Variants in PDK3 observed in about 807,000 individuals in gnomAD.
PDK3 encodes the protein pyruvate dehydrogenase kinase 3.
Under a neutral mutation model 32.0 loss-of-function variants are expected in PDK3, and 12 were observed. The observed-to-expected ratio is 0.37, with a 90% CI of 0.24 to 0.61. The LOEUF is 0.61. Among genes scored for constraint, PDK3 ranks in the 20% least tolerant of loss-of-function variants. The probability of loss-of-function intolerance (pLI) is 0.65; values close to 1 mark genes in which losing one functional copy is unlikely to be tolerated. For missense variants in PDK3, 188 were observed against 316.9 expected (o/e 0.59, Z 3.09); for synonymous variants, 122 against 116.3 (o/e 1.05, Z -0.31).
intron 1 of PDK3, among the ~76,000 whole-genome samples, chrX:24,493,272 TTTA>T (rs1921616163): frequency 9.0e-6 from 1 of 111,590 alleles, no homozygotes; most frequent in African/African-American, 3.3e-5. Flanking sequence ...ACTTTCATCT[TTTA>T]TTGTAACTTT....
At chrX:24,499,892 C>T (rs1210951810) in intron 3 of PDK3, among the ~76,000 whole-genome samples, 1 of 112,263 alleles carries the variant, frequency 8.9e-6, no homozygotes, top group Admixed American at 9.5e-5. Context: ...TCTGATGGAT[C>T]TGTGAAGTGT....
chrX:24,482,579 A>T (rs1048452907), intron 1 of PDK3, among the ~76,000 whole-genome samples: 11 of 112,167 alleles, frequency 9.8e-5, no homozygotes, highest in Non-Finnish European at 1.9e-4. Flanking sequence ...TATAGTCTCT[A>T]TTAGCAATGC....
intron 1 of PDK3, among the ~76,000 whole-genome samples, chrX:24,472,915 G>A (rs2148179668): frequency 9.4e-6 from 1 of 106,854 alleles, no homozygotes; most frequent in African/African-American, 3.4e-5. Flanking sequence ...TTGAACTCTC[G>A]ACCTCAGGTG....
At chrX:24,512,678 G>A (rs927490175) in intron 5 of PDK3, among the ~76,000 whole-genome samples, 2 of 111,196 alleles carry the variant, frequency 1.8e-5, no homozygotes, top group African/African-American at 3.3e-5. Context: ...CAGGAGAATC[G>A]CTTCAACATG....
At chrX:24,532,527 T>C (rs1379794497) in intron 10 of PDK3, among the ~76,000 whole-genome samples, 1 of 111,868 alleles carries the variant, frequency 8.9e-6, no homozygotes, top group Non-Finnish European at 1.9e-5. Context: ...TTGGTGATCA[T>C]TGGGCTTTTA....
At chrX:24,474,049 G>A (rs1231587597) in intron 1 of PDK3, among the ~76,000 whole-genome samples, 4 of 111,698 alleles carry the variant, frequency 3.6e-5, no homozygotes, top group Non-Finnish European at 7.5e-5. Flanking sequence ...TTTCAGTCTC[G>A]CCCTGTCGGC....
intron 6 of PDK3, 111 bp downstream of exon 6, chrX:24,519,121 T>G: frequency 2.1e-6 from 1 of 482,093 alleles, no homozygotes; most frequent in Non-Finnish European, 3.5e-6. Flanking sequence ...TTTCATTTTC[T>G]TATATCTTTT....
chrX:24,534,079 A>G lies in PDK3; in HGVS notation c.*7A>G. 1 of 1,187,506 alleles carries G rather than the reference A, an allele frequency of 8.4e-7. No homozygotes were observed. On this transcript the variant is annotated 3_prime_UTR_variant, in exon 11 of 11. Transcript: ENST00000379162. ...ATACAAAGCAAAACAGTAATATACC[A>G]CCTTGATTTCCATTACAAAGTATCT...
At chrX:24,527,905 G>A (rs1922562653) in intron 8 of PDK3, among the ~76,000 whole-genome samples, 171 bp from the exon 9 acceptor site, 1 of 111,709 alleles carries the variant, frequency 9.0e-6, no homozygotes, top group African/African-American at 3.3e-5. Context: ...TGTACCATTC[G>A]GCCTCCTTTG....
At chrX:24,540,738 A>G (rs1922870263) in exon 12 of PDK3, among the ~76,000 whole-genome samples, 1 of 108,391 alleles carries the variant, frequency 9.2e-6, no homozygotes, top group Non-Finnish European at 1.9e-5. Context: ...CTTCTGAGAG[A>G]CTGGTGAGAG....
At chrX:24,492,720 G>A (rs1388203391) in intron 1 of PDK3, among the ~76,000 whole-genome samples, 1 of 111,365 alleles carries the variant, frequency 9.0e-6, no homozygotes, top group Non-Finnish European at 1.9e-5. Flanking sequence ...GACCAGAGCT[G>A]GCTGGGCGCG....
intron 7 of PDK3, among the ~76,000 whole-genome samples, chrX:24,527,152 C>T (rs1307777128): frequency 9.0e-6 from 1 of 111,064 alleles, no homozygotes; most frequent in Non-Finnish European, 1.9e-5. Flanking sequence ...AGTTTTTCTG[C>T]CTTCTTTAGA....
chrX:24,473,233 G>A (rs1447744913), intron 1 of PDK3, among the ~76,000 whole-genome samples: 3 of 104,875 alleles, frequency 2.9e-5, no homozygotes, highest in African/African-American at 1.0e-4. Flanking sequence ...AATTAGCCAG[G>A]CATGGTGGTG....
downstream of PDK3, among the ~76,000 whole-genome samples, chrX:24,534,903 G>A (rs974659437): frequency 8.9e-6 from 1 of 112,520 alleles, no homozygotes; most frequent in African/African-American, 3.2e-5. Flanking sequence ...GCTGTAGTGA[G>A]CTATGATTCG....
intron 1 of PDK3, among the ~76,000 whole-genome samples, chrX:24,492,767 C>T (rs183083716): frequency 3.3e-4 from 37 of 110,667 alleles, no homozygotes; most frequent in African/African-American, 1.1e-3. Context: ...TTTGGGAGGC[C>T]GAGGCGGGTG....
In PDK3 at chrX:24,498,551, C is replaced by T. The variant is rs746758606; in HGVS notation, c.249-278C>T. 7.5e-4 allele frequency among the ~76,000 whole-genome samples: 84 copies of T among 111,931 alleles called. No individual in the cohort carries two copies. The Middle Eastern group carries it at 0.023, about 31-fold the overall frequency. ...CCATTCCTGAGCCATTCCCTGTGTT[C>T]AGGGGAATGCACACAGTGATAGGCT... is the stretch of plus-strand genomic sequence containing the variant. On this transcript the variant is annotated intron_variant, in intron 2 of 10. Coordinates refer to ENST00000379162, the MANE Select transcript of PDK3 (RefSeq NM_005391.5).
downstream of PDK3, chrX:24,539,224 G>A: frequency 2.6e-6 from 2 of 782,363 alleles, no homozygotes; most frequent in Non-Finnish European, 3.8e-6. Context: ...GTCAAACAGA[G>A]AGAACTGCTT....
At chrX:24,526,369 G>A in intron 7 of PDK3, 95 bp downstream of exon 7, 1 of 530,892 alleles carries the variant, frequency 1.9e-6, no homozygotes, top group South Asian at 3.2e-5. Flanking sequence ...TAAGAAAAAG[G>A]TTTTGCATAA....
At chrX:24,511,202 G>C (rs1922108393) in intron 5 of PDK3, among the ~76,000 whole-genome samples, 1 of 112,328 alleles carries the variant, frequency 8.9e-6, no homozygotes, top group African/African-American at 3.2e-5. Context: ...GGAAGAAATG[G>C]ATGTCAGCCT....
Sources: allele counts gnomAD v4.1 joint callset (sites outside exome capture counted in the v4.1 genomes callset), GRCh38; gene constraint gnomAD v4.1.1; transcripts MANE v1.5; gene names NCBI Gene and HGNC (gene_info 2026-07-23, HGNC 2026-07-21).